Variants in RAB5B observed in about 807,000 individuals in gnomAD.
RAB5B encodes ras-related protein Rab-5B.
Under a neutral mutation model 28.6 loss-of-function variants are expected in RAB5B, and 11 were observed. That is an observed-to-expected ratio of 0.38 (90% CI 0.24 to 0.64). The LOEUF is 0.64. RAB5B is among the 30% of genes least tolerant of loss of function. The pLI, the probability that RAB5B is intolerant of heterozygous loss-of-function variation, is 0.53. For synonymous variants in RAB5B, 93 were observed against 97.9 expected (o/e 0.95, Z 0.29); for missense variants, 169 against 265.6 (o/e 0.64, Z 2.53).
In RAB5B at chr12:55,987,980, T is replaced by A. The variant is rs374437777; in HGVS notation, c.163+857T>A. ...TGGCCAACAAGGTGAAATCCCCGTC[T>A]CTACTAAAAATACAAAAAATTAGCT... On this transcript the variant is annotated intron_variant, in intron 2 of 5. Transcript: ENST00000360299. Among the ~76,000 whole-genome samples, 67 of 152,112 alleles carry A rather than the reference T, an allele frequency of 4.4e-4. No homozygotes were observed. In the South Asian group the frequency reaches 0.014, roughly 31 times the overall value.
intron 1 of RAB5B, among the ~76,000 whole-genome samples, chr12:55,982,443 C>G (rs763783840): frequency 6.6e-6 from 1 of 152,036 alleles, no homozygotes; most frequent in Non-Finnish European, 1.5e-5. Flanking sequence ...TTGCTGTGAA[C>G]AGGGAGGAAG....
chr12:55,989,699 T>C (rs1429264895), intron 2 of RAB5B, among the ~76,000 whole-genome samples: 1 of 152,256 alleles, frequency 6.6e-6, no homozygotes, highest in Non-Finnish European at 1.5e-5. Context: ...CTTCTGTCCC[T>C]CTTAGTTTAT....
intron 1 of RAB5B, 135 bp from the exon 2 acceptor site, chr12:55,986,734 G>C: frequency 1.7e-6 from 1 of 572,294 alleles, no homozygotes; most frequent in South Asian, 2.0e-5. Flanking sequence ...TACCACTGAG[G>C]ATCAGCTGCC....
intron 1 of RAB5B, among the ~76,000 whole-genome samples, chr12:55,982,240 T>A (rs1269846537): frequency 8.0e-6 from 1 of 125,700 alleles, no homozygotes; most frequent in Non-Finnish European, 1.7e-5. Flanking sequence ...CTTGACTGGT[T>A]TACCAAAAAA....
chr12:55,985,377 G>C (rs1390413590), intron 1 of RAB5B, among the ~76,000 whole-genome samples: 2 of 152,186 alleles, frequency 1.3e-5, no homozygotes, highest in Non-Finnish European at 2.9e-5. Context: ...AAGTCACTAG[G>C]ATCTGCTTTG....
intron 1 of RAB5B, among the ~76,000 whole-genome samples, chr12:55,986,502 G>C (rs922437220): frequency 6.6e-5 from 10 of 152,146 alleles, no homozygotes; most frequent in African/African-American, 2.4e-4. Context: ...GAGATACTGG[G>C]GATCTAGGGT....
intron 4 of RAB5B, chr12:55,991,036 G>A (rs994162572): frequency 1.4e-5 from 8 of 553,274 alleles, no homozygotes; most frequent in African/African-American, 3.8e-5. Flanking sequence ...AGCTGTGGGG[G>A]TACCAGTGTG....
rs556421980 is a variant in RAB5B at position 55,993,610 on chromosome 12, G to T, written c.*1398G>T. 31 of 152,720 alleles carry T rather than the reference G, an allele frequency of 2.0e-4. No individual in the cohort carries two copies. Among genetic ancestry groups the T allele is most frequent in the African/African-American group, 5.3e-4 (22 of 41,532 alleles). The allele number at this position is 152,720 out of a possible 1,614,324, so 9.5% of individuals were successfully genotyped here. A position where few individuals can be genotyped will look rare whatever the true frequency, so the allele number is the denominator to read the frequency against. The stretch of plus-strand genomic sequence containing the variant: ...GTATGATCTTTATTCCCACTGTACA[G>T]TCTGTTCTATCCTCTGCCTCCCATC... On this transcript the variant is annotated 3_prime_UTR_variant, in exon 6 of 6. Coordinates refer to ENST00000360299, the MANE Select transcript of RAB5B (RefSeq NM_002868.4).
intron 1 of RAB5B, among the ~76,000 whole-genome samples, chr12:55,974,376 A>AGGCCGAG (rs1227364953): frequency 6.6e-6 from 1 of 152,112 alleles, no homozygotes; most frequent in Non-Finnish European, 1.5e-5. Flanking sequence ...GGCGGCGGCC[A>AGGCCGAG]GGCCGAGGGC....
chr12:55,990,954 AC>A, intron 4 of RAB5B, 150 bp downstream of exon 4: 1 of 1,016,510 alleles, frequency 9.8e-7, no homozygotes, highest in Non-Finnish European at 1.4e-6. Flanking sequence ...CAACACTGTG[AC>A]CCTAATGACA....
At chr12:55,981,753 A>G (rs769440772) in intron 1 of RAB5B, among the ~76,000 whole-genome samples, 5 of 151,224 alleles carry the variant, frequency 3.3e-5, no homozygotes, top group Non-Finnish European at 7.4e-5. Flanking sequence ...TCAGGCCTCA[A>G]TCCTCCCTAG....
At chr12:55,980,440 G>A in intron 1 of RAB5B, 1 of 1,588,852 alleles carries the variant, frequency 6.3e-7, no homozygotes. Context: ...GGGAGCACTT[G>A]TTGGTGTTCT....
rs56291639 is a variant in RAB5B, at chr12:55,996,003, A to ATTTTTTTTTTTTTTTTTTTTTTTTTTT, written c.*3801_*3802insTTTTTTTTTTTTTTTTTTTTTTTTTTT. On this transcript the variant is annotated 3_prime_UTR_variant, in exon 6 of 6. Coordinates refer to ENST00000360299, the MANE Select transcript of RAB5B (RefSeq NM_002868.4). Reference sequence around the variant, plus strand: ...TATATACATATATATATATATATATATTTTTTTTTTAACAACTGGTAGGAT... The same window carrying ATTTTTTTTTTTTTTTTTTTTTTTTTTT: ...TATATACATATATATATATATATATATTTTTTTTTTTTTTTTTTTTTTTTTTTTTTTTTTTTTAACAACTGGTAGGAT... The ATTTTTTTTTTTTTTTTTTTTTTTTTTT allele has an allele frequency of 1.0e-5, 1 of 97,434 alleles. No individual in the cohort carries two copies. Among genetic ancestry groups the ATTTTTTTTTTTTTTTTTTTTTTTTTTT allele is most frequent in the African/African-American group, 4.7e-5 (1 of 21,122 alleles). The allele number at this position is 97,434 out of a possible 1,614,324, so 6.0% of individuals were successfully genotyped here. A position where few individuals can be genotyped will look rare whatever the true frequency, so the allele number is the denominator to read the frequency against.
Position 55,989,272 on chromosome 12 carries a change from CGTTT to C in RAB5B, c.164-662_164-659del, listed in dbSNP as rs1438885682. 6.7e-5 allele frequency among the ~76,000 whole-genome samples: 10 copies of C among 149,134 alleles called. No individual in the cohort carries two copies. In the South Asian group the frequency reaches 8.6e-4, roughly 13 times the overall value. ...TCTAATTAATTCTTTTGTTTGTTTGCGTTTGTTTGTTTGTTTTTTGAGACGGAGT... is the reference window on the plus strand; with the variant it reads ...TCTAATTAATTCTTTTGTTTGTTTGCGTTTGTTTGTTTTTTGAGACGGAGT... On this transcript the variant is annotated intron_variant, in intron 2 of 5. Transcript: ENST00000360299.
rs1432681953 is a variant in RAB5B at position 55,995,997 on chromosome 12, A to ATTT, written c.*3786_*3787insTTT. ...CATATATATATACATATATATATATATATATATTTTTTTTTTAACAACTGG... is the reference window on the plus strand; with the variant it reads ...CATATATATATACATATATATATATATTTTATATATTTTTTTTTTAACAACTGG... On this transcript the variant is annotated 3_prime_UTR_variant, in exon 6 of 6. Coordinates refer to ENST00000360299, the MANE Select transcript of RAB5B (RefSeq NM_002868.4). 33 of 100,434 alleles carry ATTT rather than the reference A, an allele frequency of 3.3e-4. 1 individual carries two copies. Among genetic ancestry groups the ATTT allele is most frequent in the African/African-American group, 8.8e-4 (17 of 19,286 alleles). The allele number at this position is 100,434 out of a possible 1,614,324, so 6.2% of individuals were successfully genotyped here.
intron 1 of RAB5B, among the ~76,000 whole-genome samples, chr12:55,978,255 T>C (rs1889698892): frequency 6.6e-6 from 1 of 152,136 alleles, no homozygotes; most frequent in South Asian, 2.1e-4. Flanking sequence ...ATCCCAGCAC[T>C]TTGGGAGGCT....
chr12:55,985,701 A>G (rs1482249945), intron 1 of RAB5B: 1 of 455,898 alleles, frequency 2.2e-6, no homozygotes, highest in Non-Finnish European at 4.4e-6. Flanking sequence ...CATCCTCTGG[A>G]GACTTCTGCA....
At position 55,995,135 on chromosome 12, in the gene RAB5B, G is replaced by A. The variant is rs140466173; in HGVS notation, c.*2923G>A. 3 of 151,756 alleles carry A rather than the reference G, an allele frequency of 2.0e-5. No homozygotes were observed. The East Asian group carries it at 5.8e-4, about 29-fold the overall frequency. 9.4% of individuals were successfully genotyped at this position (151,756 alleles called of 1,614,324 possible). Reference sequence around the variant, plus strand: ...AATTGAGACGGAGTCTCTGTCGCTAGCCTGGAGTACAGTGGCACGATCTTG... The same window carrying A: ...AATTGAGACGGAGTCTCTGTCGCTAACCTGGAGTACAGTGGCACGATCTTG... On this transcript the variant is annotated 3_prime_UTR_variant, in exon 6 of 6. Coordinates refer to ENST00000360299, the MANE Select transcript of RAB5B (RefSeq NM_002868.4).
In RAB5B at chr12:55,991,446, G is replaced by A. The variant is rs1890116713; in HGVS notation, c.525G>A (p.Leu175=). ...KTAMNVNDLF[L]AIAKKLPKSE... ...CTATGAACGTGAATGATCTCTTCCT[G>A]GCAATAGGTAAGGTCAGAACATCCT... Residue 175 remains leucine, a synonymous_variant, in exon 5 of 6, where the codon CTG becomes CTA. Coordinates refer to ENST00000360299, the MANE Select transcript of RAB5B (RefSeq NM_002868.4). The A allele has an allele frequency of 1.9e-6, 3 of 1,612,870 alleles. No individual in the cohort carries two copies. Among genetic ancestry groups the A allele is most frequent in the East Asian group, 2.2e-5 (1 of 44,868 alleles).
Sources: allele counts gnomAD v4.1 joint callset (sites outside exome capture counted in the v4.1 genomes callset), GRCh38; gene constraint gnomAD v4.1.1; transcripts MANE v1.5; gene names NCBI Gene and HGNC (gene_info 2026-07-23, HGNC 2026-07-21).